The following NSG2 variants were observed in gnomAD, a reference collection of about 807,000 sequenced individuals.
NSG2 encodes neuronal vesicle trafficking associated 2.
A neutral mutation model predicts 16.9 loss-of-function variants in NSG2; 4 were observed. That is an observed-to-expected ratio of 0.24 (90% confidence interval 0.12 to 0.54). NSG2 has a LOEUF of 0.54. Ranked by LOEUF, NSG2 falls within the 20% of genes least tolerant of loss-of-function variation. NSG2 has a pLI of 0.95. For synonymous variants in NSG2, 98 were observed against 88.7 expected (o/e 1.11, Z -0.59); for missense variants, 179 against 221.1 (o/e 0.81, Z 1.21).
intron 2 of NSG2, among the ~76,000 whole-genome samples, chr5:174,055,165 C>T (rs549735872): frequency 2.0e-5 from 3 of 152,292 alleles, no homozygotes; most frequent in East Asian, 3.9e-4. Flanking sequence ...ACCCAGGTGG[C>T]AGAGCTATGG....
intron 3 of NSG2, chr5:174,066,098 A>T: frequency 2.4e-6 from 1 of 424,022 alleles, no homozygotes; most frequent in South Asian, 1.7e-5. Context: ...GGCCCAGGGG[A>T]GGAGTGTGGT....
At chr5:174,091,523 G>A (rs574178257) in intron 3 of NSG2, among the ~76,000 whole-genome samples, 1 of 152,290 alleles carries the variant, frequency 6.6e-6, no homozygotes, top group South Asian at 2.1e-4. Flanking sequence ...GGGGATGGGG[G>A]GCTTGCTCAA....
chr5:174,084,436 G>A (rs1266258766), intron 3 of NSG2, among the ~76,000 whole-genome samples: 9 of 152,146 alleles, frequency 5.9e-5, no homozygotes, highest in Admixed American at 4.6e-4. Flanking sequence ...TCAGGGCCTC[G>A]GGCCTCAAGG....
chr5:174,088,341 G>A (rs1193858741), intron 3 of NSG2, among the ~76,000 whole-genome samples: 3 of 152,144 alleles, frequency 2.0e-5, no homozygotes, highest in Non-Finnish European at 4.4e-5. Flanking sequence ...AGGCTATACT[G>A]GCTCCAGACC....
intron 3 of NSG2, among the ~76,000 whole-genome samples, chr5:174,068,650 A>G (rs1381568791): frequency 1.4e-5 from 2 of 137,954 alleles, no homozygotes; most frequent in Admixed American, 7.2e-5. Context: ...TGCTGGTGCT[A>G]TGGAGGGTGC....
intron 2 of NSG2, among the ~76,000 whole-genome samples, chr5:174,058,028 A>G (rs1157990883): frequency 6.6e-6 from 1 of 152,158 alleles, no homozygotes; most frequent in African/African-American, 2.4e-5. Context: ...TGGGTGGAAT[A>G]ATGGAATGAA....
intron 3 of NSG2, among the ~76,000 whole-genome samples, chr5:174,092,103 C>CTGA (rs1352492677): frequency 6.6e-6 from 1 of 152,212 alleles, no homozygotes; most frequent in Non-Finnish European, 1.5e-5. Flanking sequence ...GTGGAAAATG[C>CTGA]TGATTTCTGG....
chr5:174,050,589 C>CT (rs922602522), intron 2 of NSG2, among the ~76,000 whole-genome samples: 5 of 151,688 alleles, frequency 3.3e-5, no homozygotes, highest in Admixed American at 3.3e-4. Flanking sequence ...GATGTTCCAA[C>CT]TTTTTTTTTC....
chr5:174,068,073 TTACACAGTCAC>T (rs1268902470), intron 3 of NSG2, among the ~76,000 whole-genome samples: 2 of 152,128 alleles, frequency 1.3e-5, no homozygotes, highest in African/African-American at 4.8e-5. Context: ...CTTGGTGCTG[TTACACAGTCAC>T]TGGGTCACCC....
chr5:174,098,523 C>G (rs150484459), intron 3 of NSG2, among the ~76,000 whole-genome samples: 1 of 152,142 alleles, frequency 6.6e-6, no homozygotes, highest in Non-Finnish European at 1.5e-5. Flanking sequence ...GATCTCTGGG[C>G]GTCCTAGAAT....
intron 3 of NSG2, among the ~76,000 whole-genome samples, chr5:174,097,835 GTGTGTGTC>G (rs1371606915): frequency 6.6e-6 from 1 of 150,502 alleles, no homozygotes; most frequent in African/African-American, 2.5e-5. Context: ...GTGTCTCTTT[GTGTGTGTC>G]TGTGTGTGTG....
chr5:174,060,238 A>C (rs1561662811), intron 2 of NSG2, among the ~76,000 whole-genome samples: 1 of 152,164 alleles, frequency 6.6e-6, no homozygotes, highest in Non-Finnish European at 1.5e-5. Flanking sequence ...CTGTCTCAAC[A>C]TGTTGGTTAG....
intron 3 of NSG2, among the ~76,000 whole-genome samples, chr5:174,095,983 A>G (rs1249242357): frequency 2.6e-5 from 4 of 152,236 alleles, no homozygotes; most frequent in African/African-American, 9.6e-5. Flanking sequence ...ACTACATAGA[A>G]CTAGATGCCT....
chr5:174,047,841 G>A (rs1321160468), intron 2 of NSG2, among the ~76,000 whole-genome samples: 3 of 152,178 alleles, frequency 2.0e-5, no homozygotes, highest in East Asian at 3.8e-4. Flanking sequence ...TTTTGTACAC[G>A]GTAAGGGAGA....
intron 3 of NSG2, among the ~76,000 whole-genome samples, chr5:174,094,219 C>T (rs1426539055): frequency 6.6e-6 from 1 of 152,184 alleles, no homozygotes; most frequent in African/African-American, 2.4e-5. Flanking sequence ...TCAGTTTCTA[C>T]AGCTATAAAA....
chr5:174,046,172 A>G (rs947400720), intron 1 of NSG2: 3 of 151,882 alleles, frequency 2.0e-5, no homozygotes, highest in Non-Finnish European at 2.9e-5. Flanking sequence ...GGTTCAAGCT[A>G]GCCTTTTTTT....
intron 3 of NSG2, among the ~76,000 whole-genome samples, chr5:174,075,508 G>A (rs57112569): frequency 0.13 from 20,320 of 152,152 alleles, 1,819 homozygotes; most frequent in African/African-American, 0.25. Context: ...TTAATTTTGC[G>A]TTGGCTCTCT....
intron 2 of NSG2, among the ~76,000 whole-genome samples, chr5:174,061,497 A>G (rs1760050640): frequency 6.6e-6 from 1 of 152,250 alleles, no homozygotes; most frequent in Non-Finnish European, 1.5e-5. Context: ...GTTCTTGTAG[A>G]TCACATGCTA....
At chr5:174,048,809 C>T (rs1258394493) in intron 2 of NSG2, among the ~76,000 whole-genome samples, 4 of 152,138 alleles carry the variant, frequency 2.6e-5, no homozygotes, top group Admixed American at 2.6e-4. Context: ...CAGAAGCTGT[C>T]CCAAAGCCTG....
Sources: gnomAD v4.1 joint callset for allele counts (sites outside exome capture counted in the v4.1 genomes callset) on GRCh38, gnomAD v4.1.1 for gene constraint, MANE v1.5 for transcripts, NCBI Gene and HGNC (gene_info 2026-07-23, HGNC 2026-07-21) for gene names.